Variants in SGMS1 observed in about 807,000 individuals in gnomAD.
SGMS1 encodes the protein phosphatidylcholine:ceramide cholinephosphotransferase 1.
SGMS1 carries 13 observed loss-of-function variants against 46.2 expected under a neutral mutation model. The observed-to-expected ratio is 0.28, with a 90% CI of 0.18 to 0.45. SGMS1 has a LOEUF of 0.45. Ranked by LOEUF, SGMS1 falls within the 20% of genes least tolerant of loss-of-function variation. The probability of loss-of-function intolerance (pLI) is 1.00; values close to 1 mark genes in which losing one functional copy is unlikely to be tolerated. For missense variants in SGMS1, 324 were observed against 519.9 expected (o/e 0.62, Z 3.66); for synonymous variants, 203 against 187.8 (o/e 1.08, Z -0.66).
chr10:50,574,075 A>T (rs971732517), intron 2 of SGMS1, among the ~76,000 whole-genome samples: 1 of 152,228 alleles, frequency 6.6e-6, no homozygotes, highest in Middle Eastern at 3.2e-3. Context: ...AATTCTTAGA[A>T]GAAAACACAG....
intron 6 of SGMS1, among the ~76,000 whole-genome samples, chr10:50,395,819 G>A (rs1848841381): frequency 6.6e-6 from 1 of 152,116 alleles, no homozygotes; most frequent in South Asian, 2.1e-4. Flanking sequence ...CATCGATGAA[G>A]GATTATGGGT....
At chr10:50,406,016 A>AAT (rs995896158) in intron 6 of SGMS1, among the ~76,000 whole-genome samples, 3 of 152,024 alleles carry the variant, frequency 2.0e-5, no homozygotes, top group Admixed American at 6.6e-5. Context: ...ACCCCACCTA[A>AAT]ATATATATAT....
intron 5 of SGMS1, among the ~76,000 whole-genome samples, chr10:50,454,265 T>A (rs1479040635): frequency 6.6e-6 from 1 of 151,810 alleles, no homozygotes; most frequent in Admixed American, 6.6e-5. Flanking sequence ...CACTCTCAAG[T>A]GAGTGGAGAG....
intron 6 of SGMS1, among the ~76,000 whole-genome samples, chr10:50,401,988 G>C (rs1848946842): frequency 6.6e-6 from 1 of 152,146 alleles, no homozygotes; most frequent in Non-Finnish European, 1.5e-5. Flanking sequence ...CAAAACTGTT[G>C]TACCCAAGAA....
At chr10:50,621,660 T>C (rs748963967) in intron 1 of SGMS1, among the ~76,000 whole-genome samples, 22 of 152,246 alleles carry the variant, frequency 1.4e-4, no homozygotes, top group Admixed American at 2.0e-4. Context: ...AATACATCTC[T>C]GGAGTTAATG....
chr10:50,333,788 G>A (rs928066916), intron 7 of SGMS1, among the ~76,000 whole-genome samples: 2 of 152,226 alleles, frequency 1.3e-5, no homozygotes, highest in African/African-American at 4.8e-5. Context: ...ATACAGGGTA[G>A]ATGGCACAGT....
At chr10:50,434,809 G>T (rs545434156) in intron 5 of SGMS1, among the ~76,000 whole-genome samples, 2 of 150,982 alleles carry the variant, frequency 1.3e-5, no homozygotes, top group East Asian at 3.9e-4. Context: ...ACGTGAACCC[G>T]GGAGGCGGAG....
At chr10:50,375,211 A>C (rs927058776) in intron 6 of SGMS1, among the ~76,000 whole-genome samples, 2 of 152,190 alleles carry the variant, frequency 1.3e-5, no homozygotes, top group Non-Finnish European at 2.9e-5. Flanking sequence ...TGATGACTAC[A>C]ACATAAGAGG....
intron 7 of SGMS1, among the ~76,000 whole-genome samples, chr10:50,333,881 A>T (rs1413809578): frequency 6.6e-6 from 1 of 152,184 alleles, no homozygotes; most frequent in Non-Finnish European, 1.5e-5. Context: ...TGCTTTTTAA[A>T]ATCCAACTCA....
chr10:50,427,214 T>A (rs534685788), intron 6 of SGMS1, among the ~76,000 whole-genome samples: 17 of 152,076 alleles, frequency 1.1e-4, no homozygotes, highest in Non-Finnish European at 1.0e-4. Flanking sequence ...CTGGCTAACA[T>A]GTTGAAACCC....
At chr10:50,621,191 CA>C (rs79330135) in intron 1 of SGMS1, among the ~76,000 whole-genome samples, 6 of 150,984 alleles carry the variant, frequency 4.0e-5, no homozygotes, top group Non-Finnish European at 5.9e-5. Context: ...GAAAAACAAA[CA>C]AAAAAAAACT....
rs1316488077 is a variant in SGMS1, at chr10:50,506,652, G to A, written c.-498+13179C>T. Among the ~76,000 whole-genome samples the A allele has an allele frequency of 2.0e-5, 3 of 152,202 alleles. No homozygotes were observed. In the East Asian group the frequency reaches 5.8e-4, roughly 29 times the overall value. ...GATCACACAGGTCACTCCTCCAGGA[G>A]CAAATTAAAGGGATGTGCTGCTTGT... is the stretch of plus-strand genomic sequence containing the variant. On this transcript the variant is annotated intron_variant, in intron 3 of 10. Transcript: ENST00000361781.
rs908951178 is a variant in SGMS1, at chr10:50,395,355, C to T, written c.-232+38121G>A. Among the ~76,000 whole-genome samples the T allele has an allele frequency of 3.3e-5, 5 of 152,254 alleles. No individual in the cohort carries two copies. In the East Asian group the frequency reaches 9.6e-4, roughly 29 times the overall value. ...GTTAAAGTGCTCTTAAACAATTCTA[C>T]TTGACTCTCACACTGGATTAGTTAC... is the stretch of plus-strand genomic sequence containing the variant. On this transcript the variant is annotated intron_variant, in intron 6 of 10. Transcript: ENST00000361781.
intron 1 of SGMS1, chr10:50,590,545 TATATTTAA>T (rs1326556152): frequency 6.6e-6 from 1 of 152,162 alleles, no homozygotes; most frequent in African/African-American, 2.4e-5. Flanking sequence ...AAAAATTACA[TATATTTAA>T]AGTGTACAAG....
chr10:50,332,168 C>T (rs936984107), intron 7 of SGMS1, among the ~76,000 whole-genome samples: 7 of 152,182 alleles, frequency 4.6e-5, no homozygotes, highest in African/African-American at 1.7e-4. Flanking sequence ...CTAGCCTGCC[C>T]TCTGGCCACC....
intron 5 of SGMS1, among the ~76,000 whole-genome samples, chr10:50,445,581 T>C (rs1837001210): frequency 6.6e-6 from 1 of 152,208 alleles, no homozygotes; most frequent in Non-Finnish European, 1.5e-5. Context: ...CATGGACACT[T>C]ATCACTTCCC....
At chr10:50,590,890 T>C (rs577415654) in intron 1 of SGMS1, among the ~76,000 whole-genome samples, 2 of 152,260 alleles carry the variant, frequency 1.3e-5, no homozygotes, top group Non-Finnish European at 2.9e-5. Context: ...AGCCCAAACA[T>C]CCACTCTAAC....
intron 6 of SGMS1, among the ~76,000 whole-genome samples, chr10:50,412,792 A>G (rs1341916006): frequency 6.6e-6 from 1 of 152,246 alleles, no homozygotes; most frequent in African/African-American, 2.4e-5. Flanking sequence ...CAATTCACAA[A>G]TGCAGAAGTT....
intron 2 of SGMS1, among the ~76,000 whole-genome samples, chr10:50,579,147 A>T (rs1838411048): frequency 6.6e-6 from 1 of 152,188 alleles, no homozygotes; most frequent in Non-Finnish European, 1.5e-5. Flanking sequence ...AGAGAATAAA[A>T]AAACTGTCAA....
Sources: gnomAD v4.1 joint callset for allele counts (sites outside exome capture counted in the v4.1 genomes callset) on GRCh38, gnomAD v4.1.1 for gene constraint, MANE v1.5 for transcripts, NCBI Gene and HGNC (gene_info 2026-07-23, HGNC 2026-07-21) for gene names.